CPQ: variants seen among roughly 807,000 people sequenced by gnomAD.
The protein encoded by CPQ is Ser-Met dipeptidase.
In CPQ, 37 loss-of-function variants were observed where a neutral mutation model predicts 45.7. That is an observed-to-expected ratio of 0.81 (90% CI 0.62 to 1.07). CPQ has a LOEUF of 1.07. CPQ is among the 50% of genes least tolerant of loss of function. The pLI, the probability that CPQ is intolerant of heterozygous loss-of-function variation, is 0.00. For synonymous variants in CPQ, 186 were observed against 205.8 expected (o/e 0.90, Z 0.82); for missense variants, 537 against 572.9 (o/e 0.94, Z 0.64).
At chr8:97,002,826 G>A (rs1809308833) in intron 5 of CPQ, among the ~76,000 whole-genome samples, 1 of 152,094 alleles carries the variant, frequency 6.6e-6, no homozygotes, top group African/African-American at 2.4e-5. Flanking sequence ...TTAATTTTCT[G>A]TCTTAGTGAT....
At chr8:96,847,173 G>T (rs913043359) in intron 3 of CPQ, among the ~76,000 whole-genome samples, 1 of 152,164 alleles carries the variant, frequency 6.6e-6, no homozygotes, top group African/African-American at 2.4e-5. Flanking sequence ...TTCCACCTTT[G>T]TAGAGGAAAT....
chr8:96,929,524 CTCCTGTT>C (rs1416687708), intron 4 of CPQ, among the ~76,000 whole-genome samples: 1 of 152,144 alleles, frequency 6.6e-6, no homozygotes. Flanking sequence ...GTGATACCCC[CTCCTGTT>C]ACTCCTATTT....
At chr8:97,096,998 T>C (rs1435785037) in intron 7 of CPQ, among the ~76,000 whole-genome samples, 28 of 152,220 alleles carry the variant, frequency 1.8e-4, no homozygotes, top group Admixed American at 1.8e-3. Context: ...TGAGCTATAC[T>C]GAGGCTTCAT....
intron 1 of CPQ, among the ~76,000 whole-genome samples, chr8:96,701,569 A>C (rs760253249): frequency 7.2e-5 from 11 of 152,218 alleles, no homozygotes; most frequent in Non-Finnish European, 1.6e-4. Flanking sequence ...AGCGCATACT[A>C]GAAAAGCATG....
intron 5 of CPQ, among the ~76,000 whole-genome samples, chr8:97,003,780 C>T (rs188818432): frequency 6.6e-5 from 10 of 152,270 alleles, no homozygotes; most frequent in Admixed American, 6.6e-4. Context: ...GGATAATTAT[C>T]ATTGCTTGTG....
intron 7 of CPQ, among the ~76,000 whole-genome samples, chr8:97,123,033 T>A (rs1187221444): frequency 3.8e-4 from 12 of 31,590 alleles, no homozygotes; most frequent in East Asian, 1.2e-3. Flanking sequence ...ATAAATAAAA[T>A]AAAATAAAAT....
intron 6 of CPQ, among the ~76,000 whole-genome samples, chr8:97,041,033 A>T (rs1810112511): frequency 6.6e-6 from 1 of 152,202 alleles, no homozygotes; most frequent in Non-Finnish European, 1.5e-5. Context: ...AGTCATTGGT[A>T]GCTTGATGGG....
chr8:96,716,059 G>T (rs1169355991), intron 1 of CPQ, among the ~76,000 whole-genome samples: 1 of 152,178 alleles, frequency 6.6e-6, no homozygotes, highest in African/African-American at 2.4e-5. Flanking sequence ...GGCTGTAGTA[G>T]TAATGAACTG....
At chr8:97,032,251 G>A (rs1054426879) in intron 6 of CPQ, among the ~76,000 whole-genome samples, 1 of 152,186 alleles carries the variant, frequency 6.6e-6, no homozygotes, top group Non-Finnish European at 1.5e-5. Context: ...CCAATCTACA[G>A]TAGGGCTCTG....
intron 4 of CPQ, among the ~76,000 whole-genome samples, chr8:96,922,417 C>T (rs557940507): frequency 1.8e-4 from 27 of 152,304 alleles, no homozygotes; most frequent in Non-Finnish European, 3.2e-4. Flanking sequence ...GCATGTGAAT[C>T]GGACAGTGGG....
chr8:96,820,680 A>C (rs896070264), intron 2 of CPQ, among the ~76,000 whole-genome samples: 2 of 152,038 alleles, frequency 1.3e-5, no homozygotes, highest in Admixed American at 1.3e-4. Context: ...TTCATTGTGT[A>C]TATATATGGC....
At chr8:97,074,856 C>T (rs573810456) in intron 7 of CPQ, among the ~76,000 whole-genome samples, 15 of 151,966 alleles carry the variant, frequency 9.9e-5, no homozygotes, top group South Asian at 2.1e-4. Flanking sequence ...CCTGTGGGGC[C>T]GGAAAGGAAA....
chr8:96,777,922 G>T (rs1441379863), intron 1 of CPQ, among the ~76,000 whole-genome samples: 4 of 150,248 alleles, frequency 2.7e-5, no homozygotes, highest in African/African-American at 9.8e-5. Context: ...TAGAGACAGG[G>T]TTTCACCGTG....
At chr8:97,025,308 C>T (rs1809778958) in intron 5 of CPQ, among the ~76,000 whole-genome samples, 1 of 152,110 alleles carries the variant, frequency 6.6e-6, no homozygotes, top group Non-Finnish European at 1.5e-5. Context: ...CCTGTGTATC[C>T]TATTTCATAA....
At chr8:97,043,710 C>G (rs1810177249) in intron 6 of CPQ, among the ~76,000 whole-genome samples, 1 of 152,126 alleles carries the variant, frequency 6.6e-6, no homozygotes, top group East Asian at 1.9e-4. Context: ...ATTTGCTTGT[C>G]TGTAAAGTAT....
chr8:96,892,986 A>G (rs992578773), intron 4 of CPQ, among the ~76,000 whole-genome samples: 5 of 152,210 alleles, frequency 3.3e-5, no homozygotes, highest in African/African-American at 1.2e-4. Context: ...GCAAGTGTAT[A>G]TGACACATAG....
intron 5 of CPQ, among the ~76,000 whole-genome samples, chr8:96,983,898 T>C (rs1234105734): frequency 6.6e-6 from 1 of 152,018 alleles, no homozygotes; most frequent in Non-Finnish European, 1.5e-5. Context: ...TCTGGTATAT[T>C]TTAAAATATC....
rs1235537822 is a variant in CPQ at position 96,952,808 on chromosome 8, AT to A, written c.850-13126del. 3.9e-5 allele frequency among the ~76,000 whole-genome samples: 6 copies of A among 152,168 alleles called. No individual in the cohort carries two copies. In the East Asian group the frequency reaches 1.2e-3, roughly 29 times the overall value. ...CATCTGTAGAATCAAAACATAAAAAATAAATGTGAAAACAGGCAAATGTAGA... is the reference window on the plus strand; with the variant it reads ...CATCTGTAGAATCAAAACATAAAAAAAAATGTGAAAACAGGCAAATGTAGA... On this transcript the variant is annotated intron_variant, in intron 4 of 7. Coordinates refer to ENST00000220763, the MANE Select transcript of CPQ (RefSeq NM_016134.4).
intron 4 of CPQ, among the ~76,000 whole-genome samples, chr8:96,949,010 C>G (rs1264843804): frequency 6.6e-6 from 1 of 152,068 alleles, no homozygotes; most frequent in Non-Finnish European, 1.5e-5. Flanking sequence ...TAGCCCTTCA[C>G]TTTCACCCTG....
Sources: gnomAD v4.1 joint callset for allele counts (sites outside exome capture counted in the v4.1 genomes callset) on GRCh38, gnomAD v4.1.1 for gene constraint, MANE v1.5 for transcripts, NCBI Gene and HGNC (gene_info 2026-07-23, HGNC 2026-07-21) for gene names.